MACROD2: variants seen among roughly 807,000 people sequenced by gnomAD.
MACROD2 encodes ADP-ribose glycohydrolase MACROD2.
Under a neutral mutation model 70.4 loss-of-function variants are expected in MACROD2, and 36 were observed. That is an observed-to-expected ratio of 0.51 (90% CI 0.39 to 0.68). MACROD2 has a LOEUF of 0.68. MACROD2 is among the 30% of genes least tolerant of loss of function. The pLI is 0.00. For missense variants in MACROD2, 496 were observed against 538.4 expected (o/e 0.92, Z 0.78); for synonymous variants, 172 against 178.8 (o/e 0.96, Z 0.30).
At chr20:15,597,816 C>T (rs1326130657) in intron 8 of MACROD2, among the ~76,000 whole-genome samples, 4 of 152,194 alleles carry the variant, frequency 2.6e-5, no homozygotes, top group African/African-American at 7.2e-5. Flanking sequence ...CGGTGGCTCA[C>T]GCCTGTAGTC....
chr20:14,570,332 G>A (rs988711466), intron 4 of MACROD2, among the ~76,000 whole-genome samples: 2 of 152,104 alleles, frequency 1.3e-5, no homozygotes, highest in Middle Eastern at 3.4e-3. Context: ...TAGGATGGTG[G>A]TTAGCATTAT....
At chr20:15,920,831 AGTT>A (rs2065392924) in intron 10 of MACROD2, among the ~76,000 whole-genome samples, 1 of 152,178 alleles carries the variant, frequency 6.6e-6, no homozygotes, top group Non-Finnish European at 1.5e-5. Context: ...TGTATTATTA[AGTT>A]GTTAAGAATG....
intron 7 of MACROD2, among the ~76,000 whole-genome samples, chr20:15,451,326 G>C (rs2046637933): frequency 7.3e-6 from 1 of 137,532 alleles, no homozygotes; most frequent in Non-Finnish European, 1.5e-5. Flanking sequence ...TAAACTGACA[G>C]AATAAAAAGC....
At chr20:14,352,402 A>G (rs540686021) in intron 3 of MACROD2, 1 of 152,280 alleles carries the variant, frequency 6.6e-6, no homozygotes, top group East Asian at 1.9e-4. Context: ...TGACAAGCAA[A>G]TTTGTGAAGC....
intron 3 of MACROD2, among the ~76,000 whole-genome samples, chr20:14,167,850 A>G (rs1289487327): frequency 1.3e-5 from 2 of 152,212 alleles, no homozygotes; most frequent in Non-Finnish European, 2.9e-5. Context: ...GTGTGCCAAG[A>G]ACAAGTCTTA....
chr20:14,937,233 GT>G (rs1377090713), intron 5 of MACROD2, among the ~76,000 whole-genome samples: 1 of 152,042 alleles, frequency 6.6e-6, no homozygotes, highest in Non-Finnish European at 1.5e-5. Flanking sequence ...AGGTCTGGGA[GT>G]GTGAGTGGAG....
At chr20:15,893,964 G>A (rs1343674310) in intron 10 of MACROD2, 1 of 456,492 alleles carries the variant, frequency 2.2e-6, no homozygotes, top group Non-Finnish European at 4.4e-6. Context: ...GTCTGGAGGA[G>A]TCCTGCACTG....
chr20:14,006,357 A>G (rs981614482), intron 2 of MACROD2, among the ~76,000 whole-genome samples: 13 of 152,218 alleles, frequency 8.5e-5, no homozygotes, highest in Admixed American at 6.5e-4. Context: ...TATTTCATCT[A>G]TACCAGTGCT....
chr20:15,751,504 A>G (rs1158264282), intron 8 of MACROD2, among the ~76,000 whole-genome samples: 1 of 152,056 alleles, frequency 6.6e-6, no homozygotes, highest in East Asian at 1.9e-4. Context: ...CAGGGTTTTG[A>G]AATTTTTGTT....
intron 2 of MACROD2, among the ~76,000 whole-genome samples, chr20:14,019,474 T>C (rs2053040892): frequency 6.6e-6 from 1 of 152,128 alleles, no homozygotes; most frequent in South Asian, 2.1e-4. Flanking sequence ...GGGGTTTCAC[T>C]GTGTTAGCCA....
At chr20:15,311,413 C>T (rs925076329) in intron 6 of MACROD2, among the ~76,000 whole-genome samples, 7 of 152,132 alleles carry the variant, frequency 4.6e-5, no homozygotes, top group Admixed American at 2.0e-4. Context: ...TACCATTTGA[C>T]CCAGCAATTC....
At chr20:15,112,107 A>T (rs1429676644) in intron 5 of MACROD2, among the ~76,000 whole-genome samples, 1 of 152,204 alleles carries the variant, frequency 6.6e-6, no homozygotes, top group South Asian at 2.1e-4. Context: ...GAGAACTGGG[A>T]TATGACTGAA....
intron 5 of MACROD2, among the ~76,000 whole-genome samples, chr20:14,686,698 T>C (rs1600540105): frequency 6.6e-6 from 1 of 152,324 alleles, no homozygotes; most frequent in East Asian, 1.9e-4. Context: ...CATCTCGGTT[T>C]GTGTAAGTAT....
chr20:14,120,346 G>A (rs1343897779), intron 3 of MACROD2, among the ~76,000 whole-genome samples: 1 of 151,988 alleles, frequency 6.6e-6, no homozygotes, highest in East Asian at 1.9e-4. Flanking sequence ...CAGTCAGAAT[G>A]GTGATTATTA....
At chr20:14,601,148 T>C (rs912429230) in intron 4 of MACROD2, among the ~76,000 whole-genome samples, 2 of 152,190 alleles carry the variant, frequency 1.3e-5, no homozygotes, top group Non-Finnish European at 2.9e-5. Flanking sequence ...GGCTGACTTA[T>C]CCCTTCAGCA....
intron 12 of MACROD2, among the ~76,000 whole-genome samples, chr20:15,947,348 C>A (rs2065839097): frequency 6.6e-6 from 1 of 152,156 alleles, no homozygotes; most frequent in Non-Finnish European, 1.5e-5. Flanking sequence ...CTTTCCAGGG[C>A]AGAGGTCCCT....
intron 7 of MACROD2, among the ~76,000 whole-genome samples, chr20:15,436,483 G>A (rs1424189976): frequency 6.6e-6 from 1 of 151,958 alleles, no homozygotes; most frequent in Non-Finnish European, 1.5e-5. Flanking sequence ...CACAATATGT[G>A]GGAATTATGG....
At chr20:14,444,007 T>C (rs1212293382) in intron 3 of MACROD2, among the ~76,000 whole-genome samples, 2 of 152,172 alleles carry the variant, frequency 1.3e-5, no homozygotes, top group Non-Finnish European at 2.9e-5. Flanking sequence ...TTATATGTTA[T>C]TTTAAGTAAT....
chr20:14,119,681 C>T (rs562204946), intron 3 of MACROD2, among the ~76,000 whole-genome samples: 1 of 152,154 alleles, frequency 6.6e-6, no homozygotes, highest in African/African-American at 2.4e-5. Context: ...CCATTTGACA[C>T]TTATATGTCA....
Sources: gnomAD v4.1 joint callset for allele counts (sites outside exome capture counted in the v4.1 genomes callset) on GRCh38, gnomAD v4.1.1 for gene constraint, MANE v1.5 for transcripts, NCBI Gene and HGNC (gene_info 2026-07-23, HGNC 2026-07-21) for gene names.